The following TSHZ2 variants were observed in gnomAD, a reference collection of about 807,000 sequenced individuals.
TSHZ2 encodes teashirt homolog 2.
A neutral mutation model predicts 74.4 loss-of-function variants in TSHZ2; 21 were observed. The observed-to-expected ratio is 0.28, with a 90% confidence interval of 0.20 to 0.41. The LOEUF is 0.41. TSHZ2 is among the 10% of genes least tolerant of loss of function. The pLI is 1.00. For synonymous variants in TSHZ2, 540 were observed against 515.3 expected, an observed-to-expected ratio of 1.05 and a Z score of -0.65; for missense variants, 1,244 against 1,293.5, an observed-to-expected ratio of 0.96 and a Z score of 0.59.
rs564189194 is a variant in TSHZ2, at chr20:53,140,713, G to A, written c.41-112786G>A. ...ATCTCATGACCCAAACAAGCTTCCC[G>A]CTGACCTTTGCACGTTTCCAGTCTT... is the stretch of plus-strand genomic sequence containing the variant. On this transcript the variant is annotated intron_variant, in intron 1 of 2. Transcript: ENST00000371497. Among the ~76,000 whole-genome samples, 12 of 152,114 alleles carry A rather than the reference G, an allele frequency of 7.9e-5. No homozygotes were observed. In the South Asian group the frequency reaches 1.0e-3, roughly 13 times the overall value.
chr20:53,346,894 A>T (rs887961521), intron 2 of TSHZ2, among the ~76,000 whole-genome samples: 4 of 152,164 alleles, frequency 2.6e-5, no homozygotes, highest in Non-Finnish European at 5.9e-5. Flanking sequence ...ATTAATATAA[A>T]CATCTCTTTG....
chr20:53,255,789 C>T lies in TSHZ2; in HGVS notation c.2331C>T (p.Ser777=). The T allele has an allele frequency of 6.2e-7, 1 of 1,614,002 alleles. No homozygotes were observed. The highest frequency in any genetic ancestry group is 8.5e-7 in the Non-Finnish European group (1 of 1,179,972). Residue 777 remains serine (S), a synonymous_variant, in exon 2 of 3, where the codon TCC becomes TCT. Transcript: ENST00000371497. This position sits in a 1 kb window ranked among gnomAD's most constrained non-coding sequence, Gnocchi z 4.1. ...LTKSKSKKAE[S]SQAQSCMSPP... ...AGTCCAAAAGCAAGAAAGCCGAGTC[C>T]TCGCAAGCACAATCTTGTATGTCCC...
intron 1 of TSHZ2, among the ~76,000 whole-genome samples, chr20:53,112,180 C>G (rs981297842): frequency 2.0e-4 from 31 of 152,200 alleles, no homozygotes; most frequent in African/African-American, 7.0e-4. Flanking sequence ...GAGGGGCCAG[C>G]TGAGAGCCCT....
At chr20:53,246,931 C>A (rs932507228) in intron 1 of TSHZ2, among the ~76,000 whole-genome samples, 1 of 152,186 alleles carries the variant, frequency 6.6e-6, no homozygotes, top group African/African-American at 2.4e-5. Flanking sequence ...TTCCAATTAC[C>A]CGAACCATCT....
At chr20:53,397,212 C>G in intron 2 of TSHZ2, among the ~76,000 whole-genome samples, 1 of 152,168 alleles carries the variant, frequency 6.6e-6, no homozygotes, top group Non-Finnish European at 1.5e-5. Flanking sequence ...GAGAAAATTT[C>G]TGCAATCTAC....
chr20:53,340,214 G>A (rs1980138072), intron 2 of TSHZ2, among the ~76,000 whole-genome samples: 1 of 116,564 alleles, frequency 8.6e-6, no homozygotes, highest in South Asian at 3.2e-4. Context: ...ATGGAGTCTC[G>A]CTCTGTCACC....
At chr20:53,333,701 C>A (rs964988324) in intron 2 of TSHZ2, among the ~76,000 whole-genome samples, 1 of 152,180 alleles carries the variant, frequency 6.6e-6, no homozygotes, top group Non-Finnish European at 1.5e-5. Flanking sequence ...CATGATCCAC[C>A]CGCCTTGGCC....
chr20:52,994,085 G>A (rs1434710183), intron 1 of TSHZ2, among the ~76,000 whole-genome samples: 1 of 152,178 alleles, frequency 6.6e-6, no homozygotes, highest in East Asian at 1.9e-4. Flanking sequence ...TCCCAGAAAG[G>A]AGTATGTGTA....
At chr20:53,297,305 C>T (rs1991397237) in intron 2 of TSHZ2, among the ~76,000 whole-genome samples, 1 of 138,064 alleles carries the variant, frequency 7.2e-6, no homozygotes. Context: ...GGCTTGAGTG[C>T]AGTGATGCAA....
At chr20:53,127,689 C>G (rs1400813311) in intron 1 of TSHZ2, among the ~76,000 whole-genome samples, 1 of 152,208 alleles carries the variant, frequency 6.6e-6, no homozygotes, top group African/African-American at 2.4e-5. Context: ...GGCATGCACT[C>G]AGTTCTTTGC....
chr20:53,090,358 C>T (rs912498633), intron 1 of TSHZ2, among the ~76,000 whole-genome samples: 1 of 152,150 alleles, frequency 6.6e-6, no homozygotes, highest in African/African-American at 2.4e-5. Flanking sequence ...TCCTTCAATT[C>T]AATCAAATCG....
chr20:53,430,600 T>C (rs994093342), intron 2 of TSHZ2, among the ~76,000 whole-genome samples: 1 of 151,290 alleles, frequency 6.6e-6, no homozygotes, highest in East Asian at 2.0e-4. Context: ...GAGGCCGAGG[T>C]GGGAGGCTCA....
chr20:53,321,683 CAAA>C (rs59907513), intron 2 of TSHZ2, among the ~76,000 whole-genome samples: 10 of 58,302 alleles, frequency 1.7e-4, no homozygotes, highest in East Asian at 1.1e-3. Context: ...GACTCCATCT[CAAA>C]AAAAAAAAAA....
intron 2 of TSHZ2, among the ~76,000 whole-genome samples, chr20:53,320,689 A>G (rs2145521132): frequency 6.6e-6 from 1 of 152,356 alleles, no homozygotes; most frequent in Middle Eastern, 3.4e-3. Context: ...CACAAAGCTC[A>G]CCCTTTGACT....
chr20:53,279,405 T>C (rs1991011924), intron 2 of TSHZ2, among the ~76,000 whole-genome samples: 1 of 152,190 alleles, frequency 6.6e-6, no homozygotes, highest in African/African-American at 2.4e-5. Context: ...AAAACATCAT[T>C]CTTCTTCTGA....
At chr20:53,462,459 G>A (rs183519567) in intron 2 of TSHZ2, among the ~76,000 whole-genome samples, 6 of 152,214 alleles carry the variant, frequency 3.9e-5, no homozygotes, top group East Asian at 3.9e-4. Flanking sequence ...TGGCCTCCAC[G>A]CTGTTGGTCA....
chr20:53,007,148 G>A (rs1043281018), intron 1 of TSHZ2, among the ~76,000 whole-genome samples: 1 of 152,140 alleles, frequency 6.6e-6, no homozygotes, highest in African/African-American at 2.4e-5. Flanking sequence ...CTGAGGAGGT[G>A]GCATTGAACT....
chr20:53,063,950 G>A (rs796366351), intron 1 of TSHZ2, among the ~76,000 whole-genome samples: 3 of 152,282 alleles, frequency 2.0e-5, no homozygotes, highest in African/African-American at 7.2e-5. Context: ...GTGCTACTGT[G>A]TATTAGAACT....
chr20:53,109,807 C>A (rs1986480540), intron 1 of TSHZ2, among the ~76,000 whole-genome samples: 1 of 152,150 alleles, frequency 6.6e-6, no homozygotes, highest in East Asian at 1.9e-4. Flanking sequence ...CCTTCCCAAG[C>A]TCTGTGATGA....
Sources: gnomAD v4.1 joint callset for allele counts (sites outside exome capture counted in the v4.1 genomes callset) on GRCh38, gnomAD v4.1.1 for gene constraint, Gnocchi (gnomAD v3.1) non-coding constraint, MANE v1.5 for transcripts, NCBI Gene and HGNC (gene_info 2026-07-23, HGNC 2026-07-21) for gene names.